Variants in EMILIN2 observed in about 807,000 individuals in gnomAD.
EMILIN2 encodes EMILIN-2.
Under a neutral mutation model 87.1 loss-of-function variants are expected in EMILIN2, and 71 were observed. That is an observed-to-expected ratio of 0.82 (90% CI 0.67 to 0.99). The LOEUF is 0.99. EMILIN2 is among the 50% of genes least tolerant of loss of function. The pLI is 0.00. For synonymous variants in EMILIN2, 581 were observed against 563.4 expected (o/e 1.03, Z -0.44); for missense variants, 1,407 against 1,371.8 (o/e 1.03, Z -0.40).
Position 2,915,951 on chromosome 18 carries a change from A to AAAAC in EMILIN2, c.*2551_*2554dup, listed in dbSNP as rs1186334761. 1 of 152,246 alleles carries AAAAC rather than the reference A, an allele frequency of 6.6e-6. No homozygotes were observed. Among genetic ancestry groups the AAAAC allele is most frequent in the African/African-American group, 2.4e-5 (1 of 41,462 alleles). The allele number at this position is 152,246 out of a possible 1,614,324, so 9.4% of individuals were successfully genotyped here. A position where few individuals can be genotyped will look rare whatever the true frequency, so the allele number is the denominator to read the frequency against. Reference sequence around the variant, plus strand: ...ACAAATGGCCTCATTTACACGATTAAAAACAAAATGGTATCGTCAATAAAT... The same window carrying AAAAC: ...ACAAATGGCCTCATTTACACGATTAAAAACAAACAAAATGGTATCGTCAATAAAT... On this transcript the variant is annotated 3_prime_UTR_variant, in exon 8 of 8. Transcript: ENST00000254528.
At position 2,913,217 on chromosome 18, in the gene EMILIN2, A is replaced by G; in HGVS notation, c.2975A>G (p.Tyr992Cys). 6.2e-7 allele frequency: 1 copy of G among 1,613,914 alleles called. No homozygotes were observed. The highest frequency in any genetic ancestry group is 1.1e-5 in the South Asian group (1 of 91,072). Residue 992 changes from tyrosine (Y) to cysteine (C), a missense_variant, in exon 8 of 8, where the codon TAC becomes TGC. Tyr to Cys is a radical substitution (Grantham distance 194). Transcript: ENST00000254528. ...GGGTACAGGAGAGAGTTCCTGGAAT[A>G]CCACCGCCCTCCAGGAGCTTTGCAT... ...TAGYRREFLE[Y>C]HRPPGALHTC...
Position 2,891,747 on chromosome 18 carries a change from C to G in EMILIN2, c.1620C>G (p.Asn540Lys). 6.2e-7 allele frequency: 1 copy of G among 1,614,158 alleles called. No individual in the cohort carries two copies. The highest frequency in any genetic ancestry group is 8.5e-7 in the Non-Finnish European group (1 of 1,180,034). ...SGDERVMMEL[N>K]HLKDKVQVVE... ...ATGAACGGGTCATGATGGAATTAAA[C>G]CACCTGAAGGACAAAGTTCAAGTTG... Residue 540 changes from asparagine (N) to lysine (K), a missense_variant, in exon 4 of 8, where the codon AAC becomes AAG. Transcript: ENST00000254528. This position sits in a 1 kb window ranked among gnomAD's most constrained non-coding sequence, Gnocchi z 4.6.
At position 2,890,636 on chromosome 18, in the gene EMILIN2, T is replaced by C; in HGVS notation, c.509T>C (p.Val170Ala). The change falls in exon 4 of 8, where the codon GTA becomes GCA. Residue 170 changes from valine (V) to alanine (A), a missense_variant. Val to Ala is a moderately conservative substitution (Grantham distance 64). Coordinates refer to ENST00000254528, the MANE Select transcript of EMILIN2 (RefSeq NM_032048.3). The surrounding 1 kb of genome is among the most constrained non-coding windows in gnomAD (Gnocchi z 4.7). The part of the protein sequence containing the change: ...PTGTAQPSWG[V>A]DPKEGPQELQ... The stretch of plus-strand genomic sequence containing the variant: ...GGTACAGCACAACCAAGCTGGGGGG[T>C]AGATCCAAAAGAGGGGCCTCAGGAA... The C allele has an allele frequency of 6.2e-7, 1 of 1,613,274 alleles. No individual in the cohort carries two copies. The highest frequency in any genetic ancestry group is 8.5e-7 in the Non-Finnish European group (1 of 1,179,502).
chr18:2,899,652 C>G (rs891790538), intron 4 of EMILIN2, among the ~76,000 whole-genome samples: 1 of 151,950 alleles, frequency 6.6e-6, no homozygotes, highest in African/African-American at 2.4e-5. Context: ...TTACAGGCGC[C>G]CACCACCACG....
Position 2,848,110 on chromosome 18 carries a change from G to A in EMILIN2, c.257+179G>A, listed in dbSNP as rs1323093798. Among the ~76,000 whole-genome samples the A allele has an allele frequency of 6.6e-6, 1 of 152,250 alleles. No homozygotes were observed. Among genetic ancestry groups the A allele is most frequent in the Admixed American group, 6.5e-5 (1 of 15,292 alleles). Reference sequence around the variant, plus strand: ...GGCACCGGCCACGCTGGGCTATTTAGGGAGTGGGTGCTGCCCGAGTGAGTG... The same window carrying A: ...GGCACCGGCCACGCTGGGCTATTTAAGGAGTGGGTGCTGCCCGAGTGAGTG... On this transcript the variant is annotated intron_variant, in intron 2 of 7. Transcript: ENST00000254528. This position sits in a 1 kb window ranked among gnomAD's most constrained non-coding sequence, Gnocchi z 4.1.
chr18:2,852,458 AT>A (rs1244323300), intron 2 of EMILIN2, among the ~76,000 whole-genome samples: 1 of 151,754 alleles, frequency 6.6e-6, no homozygotes. Context: ...CAGAAAAAGA[AT>A]TTAAAGCCCA....
At chr18:2,863,470 G>A (rs1276219365) in intron 2 of EMILIN2, among the ~76,000 whole-genome samples, 2 of 151,998 alleles carry the variant, frequency 1.3e-5, no homozygotes, top group African/African-American at 4.8e-5. Context: ...CCTTCATTTC[G>A]TTATGTACCC....
In EMILIN2 at chr18:2,892,490, A is replaced by G; in HGVS notation, c.2359+4A>G. The G allele has an allele frequency of 2.5e-6, 4 of 1,581,480 alleles. No homozygotes were observed. The highest frequency in any genetic ancestry group is 3.4e-6 in the Non-Finnish European group (4 of 1,161,550). Reference sequence around the variant, plus strand: ...GTCAAATTTCAGCCATCAGCAAGTAAGTTGAATATTACAATTCTATTTCTT... The same window carrying G: ...GTCAAATTTCAGCCATCAGCAAGTAGGTTGAATATTACAATTCTATTTCTT... On this transcript the variant is annotated splice_donor_region_variant and intron_variant, in intron 4 of 7. Transcript: ENST00000254528.
chr18:2,899,976 G>C lies in EMILIN2; in HGVS notation c.2360-6807G>C, dbSNP rs116649322. Reference sequence around the variant, plus strand: ...GCTGTATTTATATTTCAACATCCACGAGTTTGTACTTTGCAGAAATTTAGA... The same window carrying C: ...GCTGTATTTATATTTCAACATCCACCAGTTTGTACTTTGCAGAAATTTAGA... On this transcript the variant is annotated intron_variant, in intron 4 of 7. Coordinates refer to ENST00000254528, the MANE Select transcript of EMILIN2 (RefSeq NM_032048.3). Among the ~76,000 whole-genome samples the C allele has an allele frequency of 5.3e-3, 801 of 152,192 alleles. 8 individuals carry two copies. Among genetic ancestry groups the C allele is most frequent in the African/African-American group, 0.018 (765 of 41,504 alleles).
chr18:2,849,628 A>T (rs898488856), intron 2 of EMILIN2, among the ~76,000 whole-genome samples: 1 of 152,220 alleles, frequency 6.6e-6, no homozygotes, highest in South Asian at 2.1e-4. Flanking sequence ...GAATTATTAT[A>T]AAAAATGACA....
rs2076949517 is a variant in EMILIN2 at position 2,913,096 on chromosome 18, T to C, written c.2854T>C (p.Tyr952His). The change falls in exon 8 of 8, where the codon TAC (tyrosine) becomes CAC (histidine). Residue 952 changes from tyrosine (Y) to histidine (H), a missense_variant. Coordinates refer to ENST00000254528, the MANE Select transcript of EMILIN2 (RefSeq NM_032048.3). ...GVFTAPYDGR[Y>H]LITATLTPER... ...CTTCACGGCTCCTTATGATGGGCGCTACCTGATCACGGCCACCCTCACCCC... is the reference window on the plus strand; with the variant it reads ...CTTCACGGCTCCTTATGATGGGCGCCACCTGATCACGGCCACCCTCACCCC... 1.2e-6 allele frequency: 2 copies of C among 1,611,774 alleles called. No individual in the cohort carries two copies. Among genetic ancestry groups the C allele is most frequent in the Non-Finnish European group, 8.5e-7 (1 of 1,179,994 alleles).
intron 2 of EMILIN2, among the ~76,000 whole-genome samples, chr18:2,877,045 G>A (rs902549806): frequency 1.3e-5 from 2 of 152,220 alleles, no homozygotes; most frequent in African/African-American, 2.4e-5. Context: ...CATTTGATGT[G>A]CTTTAAGCTG....
chr18:2,865,252 G>A (rs2076680817), intron 2 of EMILIN2, among the ~76,000 whole-genome samples: 1 of 152,202 alleles, frequency 6.6e-6, no homozygotes, highest in Admixed American at 6.5e-5. Flanking sequence ...TTGTTCCGCT[G>A]CTGGTGAGGA....
At chr18:2,898,685 T>G (rs1329257314) in intron 4 of EMILIN2, among the ~76,000 whole-genome samples, 1 of 152,182 alleles carries the variant, frequency 6.6e-6, no homozygotes, top group Non-Finnish European at 1.5e-5. Context: ...AAGCGTACTA[T>G]TTTTATTGAG....
Position 2,908,923 on chromosome 18 carries a change from A to G in EMILIN2, c.2663-20A>G. The G allele has an allele frequency of 6.2e-7, 1 of 1,613,750 alleles. No homozygotes were observed. The highest frequency in any genetic ancestry group is 1.3e-5 in the African/African-American group (1 of 75,006). Reference sequence around the variant, plus strand: ...TGCTTAGGGTCTTGTTTGACATGCCATTTCCTTTCTGTTTTTCAGGATACC... The same window carrying G: ...TGCTTAGGGTCTTGTTTGACATGCCGTTTCCTTTCTGTTTTTCAGGATACC... On this transcript the variant is annotated intron_variant, in intron 5 of 7. Transcript: ENST00000254528.
chr18:2,858,643 T>C (rs1253512299), intron 2 of EMILIN2, among the ~76,000 whole-genome samples: 2 of 144,224 alleles, frequency 1.4e-5, no homozygotes, highest in African/African-American at 5.3e-5. Context: ...TTTTTCTCTT[T>C]CTTTTCTTTC....
At chr18:2,873,946 C>G (rs141540355) in intron 2 of EMILIN2, among the ~76,000 whole-genome samples, 2 of 152,210 alleles carry the variant, frequency 1.3e-5, no homozygotes, top group African/African-American at 4.8e-5. Flanking sequence ...GGTATCAAAC[C>G]TTATACCCTC....
At position 2,847,259 on chromosome 18, in the gene EMILIN2, G is replaced by A. The variant is rs1598481654; in HGVS notation, c.71G>A (p.Gly24Asp). ...RWALALLALV[G>D]AGLCHAGPQP... is the part of the protein sequence containing the mutation. ...GCGCTGGCGCTGCTGGCCCTGGTTG[G>A]CGCGGGGCTGTGCCACGCCGGCCCG... Residue 24 changes from glycine to aspartate, a missense_variant, in exon 1 of 8, where the codon GGC becomes GAC. Gly to Asp is a moderately conservative substitution (Grantham distance 94). Transcript: ENST00000254528. This position sits in a 1 kb window ranked among gnomAD's most constrained non-coding sequence, Gnocchi z 4.5. 1.1e-5 allele frequency: 14 copies of A among 1,310,738 alleles called. No individual in the cohort carries two copies. In the East Asian group the frequency reaches 4.5e-4, roughly 42 times the overall value. 81.2% of individuals were successfully genotyped at this position (1,310,738 alleles called of 1,614,324 possible). A position where few individuals can be genotyped will look rare whatever the true frequency, so the allele number is the denominator to read the frequency against.
chr18:2,888,550 C>CT (rs2076814653), intron 3 of EMILIN2, among the ~76,000 whole-genome samples: 1 of 151,776 alleles, frequency 6.6e-6, no homozygotes, highest in East Asian at 1.9e-4. Flanking sequence ...CCCATCTCTA[C>CT]CAAAAATACA....
Sources: allele counts gnomAD v4.1 joint callset (sites outside exome capture counted in the v4.1 genomes callset), GRCh38; gene constraint gnomAD v4.1.1; non-coding constraint Gnocchi (gnomAD v3.1); transcripts MANE v1.5; gene names NCBI Gene and HGNC (gene_info 2026-07-23, HGNC 2026-07-21).